Variants in CSMD1 observed in about 807,000 individuals in gnomAD.
CSMD1 encodes the protein CUB and Sushi multiple domains 1.
A neutral mutation model predicts 417.5 loss-of-function variants in CSMD1; 213 were observed. The ratio of observed to expected loss-of-function variants is 0.51; its 90% confidence interval spans 0.46 to 0.57. CSMD1 has a LOEUF of 0.57. CSMD1 is among the 20% of genes least tolerant of loss of function. The pLI, the probability that CSMD1 is intolerant of heterozygous loss-of-function variation, is 0.00. For missense variants in CSMD1, 6,923 were observed against 4,529.7 expected, an observed-to-expected ratio of 1.53 and a Z score of -15.17; for synonymous variants, 2,862 against 1,736.8, an observed-to-expected ratio of 1.65 and a Z score of -16.11.
intron 49 of CSMD1, among the ~76,000 whole-genome samples, chr8:3,082,749 C>T (rs982720470): frequency 6.6e-5 from 10 of 152,126 alleles, no homozygotes; most frequent in African/African-American, 2.2e-4. Flanking sequence ...CAAAAAGAAA[C>T]ATGTCAAGAA....
chr8:3,028,376 G>T (rs1810103122), intron 51 of CSMD1, among the ~76,000 whole-genome samples: 2 of 152,234 alleles, frequency 1.3e-5, no homozygotes, highest in South Asian at 4.1e-4. Context: ...GAACGGCTCT[G>T]CAAACTCAGT....
chr8:4,433,099 C>G (rs1415501416), intron 2 of CSMD1, among the ~76,000 whole-genome samples: 2 of 152,206 alleles, frequency 1.3e-5, no homozygotes, highest in South Asian at 2.1e-4. Context: ...CTGTCATTGT[C>G]TCCCATCACC....
rs1585887551 is a variant in CSMD1, at chr8:3,274,780, G to T, written c.4153+9364C>A. 3.3e-5 allele frequency among the ~76,000 whole-genome samples: 5 copies of T among 152,102 alleles called. No homozygotes were observed. In the South Asian group the frequency reaches 1.0e-3, roughly 32 times the overall value. ...GCCTTTTTTTGTTTTCCATTTGCTTGGTAGATCTTCCTCCATCCTTTCATT... is the reference window on the plus strand; with the variant it reads ...GCCTTTTTTTGTTTTCCATTTGCTTTGTAGATCTTCCTCCATCCTTTCATT... On this transcript the variant is annotated intron_variant, in intron 26 of 69. Coordinates refer to ENST00000635120, the MANE Select transcript of CSMD1 (RefSeq NM_033225.6).
At chr8:4,672,926 A>G (rs939654564) in intron 1 of CSMD1, among the ~76,000 whole-genome samples, 1 of 152,188 alleles carries the variant, frequency 6.6e-6, no homozygotes, top group African/African-American at 2.4e-5. Context: ...ACATGGCGAC[A>G]TACACATGCA....
chr8:3,360,622 A>T (rs907453146), intron 20 of CSMD1, among the ~76,000 whole-genome samples: 11 of 152,234 alleles, frequency 7.2e-5, no homozygotes, highest in Non-Finnish European at 1.5e-4. Context: ...AAGGCCAACT[A>T]AAAGATGTGC....
chr8:4,726,452 T>G (rs1304445020), intron 1 of CSMD1, among the ~76,000 whole-genome samples: 1 of 152,240 alleles, frequency 6.6e-6, no homozygotes, highest in Non-Finnish European at 1.5e-5. Context: ...CAGCTCTTTG[T>G]GCTCCTTAAG....
At chr8:4,159,448 G>A (rs943935174) in intron 3 of CSMD1, among the ~76,000 whole-genome samples, 1 of 152,192 alleles carries the variant, frequency 6.6e-6, no homozygotes, top group African/African-American at 2.4e-5. Flanking sequence ...GTTTATGGCA[G>A]CACAATTCAC....
intron 26 of CSMD1, among the ~76,000 whole-genome samples, chr8:3,256,507 G>T (rs907104099): frequency 3.9e-5 from 6 of 152,118 alleles, no homozygotes; most frequent in Non-Finnish European, 8.8e-5. Context: ...ATATATAAAA[G>T]ACATCTCCTT....
At chr8:3,979,989 G>A (rs564808945) in intron 5 of CSMD1, among the ~76,000 whole-genome samples, 2 of 152,198 alleles carry the variant, frequency 1.3e-5, no homozygotes, top group African/African-American at 4.8e-5. Context: ...GAACTGGGTT[G>A]AACAACTCAC....
intron 5 of CSMD1, among the ~76,000 whole-genome samples, chr8:3,878,148 T>C (rs1316344968): frequency 1.3e-5 from 2 of 152,178 alleles, no homozygotes; most frequent in Non-Finnish European, 2.9e-5. Flanking sequence ...TTTGTCTTTG[T>C]ACATTTTTTG....
intron 5 of CSMD1, among the ~76,000 whole-genome samples, chr8:3,848,919 ACATATAT>A (rs757308788): frequency 2.8e-4 from 42 of 150,886 alleles, no homozygotes; most frequent in Non-Finnish European, 5.2e-4. Context: ...GATATCATAT[ACATATAT>A]CATATATATA....
chr8:3,088,795 G>A (rs1007491181), intron 48 of CSMD1, among the ~76,000 whole-genome samples: 2 of 134,794 alleles, frequency 1.5e-5, no homozygotes, highest in Non-Finnish European at 3.1e-5. Flanking sequence ...CAAAGTATGA[G>A]TACAATCAGG....
chr8:4,201,394 CG>C (rs924047080), intron 3 of CSMD1, among the ~76,000 whole-genome samples: 1 of 151,556 alleles, frequency 6.6e-6, no homozygotes, highest in African/African-American at 2.4e-5. Flanking sequence ...AAAAATTAGC[CG>C]GGGGTGGCGC....
intron 1 of CSMD1, among the ~76,000 whole-genome samples, chr8:4,747,259 A>C (rs2117032198): frequency 6.6e-6 from 1 of 152,318 alleles, no homozygotes; most frequent in Non-Finnish European, 1.5e-5. Context: ...CTTTTTCATA[A>C]GTAGTATTGA....
rs552521658 is a variant in CSMD1, at chr8:3,271,636, T to C, written c.4153+12508A>G. On this transcript the variant is annotated intron_variant, in intron 26 of 69. Coordinates refer to ENST00000635120, the MANE Select transcript of CSMD1 (RefSeq NM_033225.6). ...GATTGCCATTCCAACTGGTGTGAGA[T>C]GGTATCTCATTGTGGTTTTCAATTT... 1.1e-4 allele frequency among the ~76,000 whole-genome samples: 17 copies of C among 152,336 alleles called. No homozygotes were observed. In the East Asian group the frequency reaches 3.1e-3, roughly 28 times the overall value.
At chr8:4,695,890 T>A (rs892471481) in intron 1 of CSMD1, among the ~76,000 whole-genome samples, 6 of 152,220 alleles carry the variant, frequency 3.9e-5, no homozygotes, top group African/African-American at 1.4e-4. Flanking sequence ...TGAGAAACCC[T>A]ATGTATTTGC....
chr8:3,593,697 T>C (rs775934433), intron 8 of CSMD1, among the ~76,000 whole-genome samples: 2 of 152,196 alleles, frequency 1.3e-5, no homozygotes, highest in Non-Finnish European at 1.5e-5. Context: ...CAAATAAAAC[T>C]ACATTTTATA....
At chr8:3,148,017 G>C (rs1045277703) in intron 40 of CSMD1, among the ~76,000 whole-genome samples, 5 of 152,110 alleles carry the variant, frequency 3.3e-5, no homozygotes, top group African/African-American at 1.2e-4. Context: ...TTTTTTGTGT[G>C]ACGTCAGTTG....
At chr8:4,326,794 G>T (rs941153839) in intron 3 of CSMD1, among the ~76,000 whole-genome samples, 2 of 151,796 alleles carry the variant, frequency 1.3e-5, no homozygotes, top group Admixed American at 6.6e-5. Flanking sequence ...ATTCAGCTAA[G>T]AAATCACCAA....
Sources: gnomAD v4.1 joint callset for allele counts (sites outside exome capture counted in the v4.1 genomes callset) on GRCh38, gnomAD v4.1.1 for gene constraint, MANE v1.5 for transcripts, NCBI Gene and HGNC (gene_info 2026-07-23, HGNC 2026-07-21) for gene names.